The following URGCP variants were observed in gnomAD, a reference collection of about 807,000 sequenced individuals.
The protein encoded by URGCP is up-regulator of cell proliferation.
In URGCP, 13 loss-of-function variants were observed where a neutral mutation model predicts 24.6. The ratio of observed to expected loss-of-function variants is 0.53; its 90% CI spans 0.34 to 0.84. URGCP has a LOEUF of 0.84. URGCP is among the 40% of genes least tolerant of loss of function. The pLI is 0.01. For missense variants in URGCP, 899 were observed against 1,194.3 expected (o/e 0.75, Z 3.64); for synonymous variants, 444 against 487.2 (o/e 0.91, Z 1.17).
intron 1 of URGCP, among the ~76,000 whole-genome samples, chr7:43,918,042 G>A (rs970888887): frequency 3.3e-5 from 5 of 151,994 alleles, no homozygotes; most frequent in Non-Finnish European, 5.9e-5. Context: ...GGGAGGCTGA[G>A]GCAAGTGGAT....
chr7:43,892,235 T>A (rs2095871947), intron 1 of URGCP, among the ~76,000 whole-genome samples: 1 of 149,364 alleles, frequency 6.7e-6, no homozygotes, highest in Admixed American at 6.7e-5. Flanking sequence ...TTTTTTTTTT[T>A]TTTTTTGAGA....
At chr7:43,921,185 G>C (rs754228050) in intron 1 of URGCP, among the ~76,000 whole-genome samples, 1 of 152,102 alleles carries the variant, frequency 6.6e-6, no homozygotes, top group East Asian at 1.9e-4. Context: ...AATTAGCCGG[G>C]CGTGGTGGTG....
intron 4 of URGCP, 47 bp downstream of exon 4, chr7:43,881,860 T>TC: frequency 6.2e-7 from 1 of 1,606,264 alleles, no homozygotes; most frequent in Non-Finnish European, 8.5e-7. Context: ...CTTTACCCAC[T>TC]CCCCCTCTCC....
chr7:43,919,313 C>T, intron 1 of URGCP: 1 of 829,164 alleles, frequency 1.2e-6, no homozygotes, highest in South Asian at 1.3e-5. Flanking sequence ...TGGTGCTGCA[C>T]AACACAGCCC....
upstream of URGCP, chr7:43,926,622 CTGCCGTGAAGTGAAAGG>C (rs565080607): frequency 1.1e-3 from 1,650 of 1,487,904 alleles, 35 homozygotes; most frequent in South Asian, 0.02. Flanking sequence ...CGGGGCGCCG[CTGCCGTGAAGTGAAAGG>C]TGACGGAGGC....
At chr7:43,922,952 T>TTC (rs955767377) in intron 1 of URGCP, among the ~76,000 whole-genome samples, 2 of 151,568 alleles carry the variant, frequency 1.3e-5, no homozygotes, top group Non-Finnish European at 2.9e-5. Context: ...CCTTCTCTCT[T>TTC]TCTCTCTCTT....
intron 3 of URGCP, among the ~76,000 whole-genome samples, chr7:43,884,254 C>T (rs2095858851): frequency 6.6e-6 from 1 of 152,118 alleles, no homozygotes. Flanking sequence ...CAGCCATCAG[C>T]AGATTGTGGG....
rs1233416191 is a variant in URGCP, at chr7:43,925,798, C to CATTTTT, written c.-116+333_-116+334insAAAAAT. The stretch of plus-strand genomic sequence containing the variant: ...TATAGGCGTGAGCCACCTCGTCTGG[C>CATTTTT]TTTTTTTTTTTTTTTTTCAAAAAAA... On this transcript the variant is annotated intron_variant, in intron 1 of 5. Transcript: ENST00000426198. Among the ~76,000 whole-genome samples the CATTTTT allele has an allele frequency of 4.9e-4, 57 of 116,580 alleles. 3 individuals are homozygous for CATTTTT. In the South Asian group the frequency reaches 0.018, roughly 37 times the overall value. The allele number at this position is 116,580 out of a possible 152,430, so 76.5% of individuals were successfully genotyped here. A position where few individuals can be genotyped will look rare whatever the true frequency, so the allele number is the denominator to read the frequency against.
At chr7:43,881,812 C>A in intron 4 of URGCP, 95 bp downstream of exon 4, 1 of 1,605,356 alleles carries the variant, frequency 6.2e-7, no homozygotes, top group South Asian at 1.1e-5. Context: ...GGCAACTTCT[C>A]CCAATTGTTC....
intron 1 of URGCP, among the ~76,000 whole-genome samples, chr7:43,897,530 C>T (rs1026202199): frequency 4.6e-5 from 7 of 151,342 alleles, no homozygotes; most frequent in African/African-American, 1.2e-4. Flanking sequence ...AAGCTAGAGA[C>T]GACTGAACTT....
chr7:43,894,975 A>G (rs905349625), intron 1 of URGCP, among the ~76,000 whole-genome samples: 1 of 152,120 alleles, frequency 6.6e-6, no homozygotes, highest in Non-Finnish European at 1.5e-5. Flanking sequence ...AAGCTGAGTA[A>G]GCTGTGATCA....
intron 1 of URGCP, among the ~76,000 whole-genome samples, chr7:43,903,665 T>C (rs902698575): frequency 9.2e-5 from 14 of 152,048 alleles, no homozygotes; most frequent in African/African-American, 3.1e-4. Context: ...AAGAGCCCCT[T>C]TGAAAATCTG....
intron 3 of URGCP, among the ~76,000 whole-genome samples, chr7:43,883,355 TATATATA>T (rs1303517210): frequency 2.0e-5 from 2 of 101,138 alleles, no homozygotes; most frequent in Non-Finnish European, 3.7e-5. Flanking sequence ...TATATATATA[TATATATA>T]TTTTTTTTTT....
intron 3 of URGCP, among the ~76,000 whole-genome samples, chr7:43,885,507 GAA>G (rs1361804509): frequency 7.2e-6 from 1 of 138,048 alleles, no homozygotes; most frequent in Non-Finnish European, 1.7e-5. Flanking sequence ...CATAACTCAT[GAA>G]GAACAACTAT....
chr7:43,896,488 T>C (rs928631546), intron 1 of URGCP, among the ~76,000 whole-genome samples: 1 of 151,180 alleles, frequency 6.6e-6, no homozygotes, highest in Non-Finnish European at 1.5e-5. Flanking sequence ...AAAATTACAG[T>C]TAGGTAGGAG....
intron 3 of URGCP, among the ~76,000 whole-genome samples, chr7:43,885,670 A>G (rs982583815): frequency 6.6e-6 from 1 of 152,138 alleles, no homozygotes; most frequent in African/African-American, 2.4e-5. Flanking sequence ...AATTAAGACA[A>G]CCTAGCTCAC....
chr7:43,876,595 C>A lies in URGCP; in HGVS notation c.*72G>T. 6.6e-7 allele frequency: 1 copy of A among 1,519,824 alleles called. No individual in the cohort carries two copies. The allele number at this position is 1,519,824 out of a possible 1,614,324, so 94.1% of individuals were successfully genotyped here. ...CATTCTCAGGCACCAGAGCACAGCC[C>A]CACACGGGTGCCCCATCAGACAGGG... is the stretch of plus-strand genomic sequence containing the variant. On this transcript the variant is annotated 3_prime_UTR_variant, in exon 6 of 6. Coordinates refer to ENST00000453200, the MANE Select transcript of URGCP (RefSeq NM_001077663.3).
chr7:43,881,204 CAAAG>C, intron 5 of URGCP: 1 of 702,784 alleles, frequency 1.4e-6, no homozygotes, highest in Non-Finnish European at 2.6e-6. Context: ...GGGAAAAAGA[CAAAG>C]AAAACACTTC....
intron 3 of URGCP, among the ~76,000 whole-genome samples, chr7:43,884,699 T>C (rs2528396): frequency 0.72 from 109,660 of 152,020 alleles, 39,690 homozygotes; most frequent in African/African-American, 0.8. Flanking sequence ...TCGGGTGCAG[T>C]GGCTCACACC....
Sources: allele counts gnomAD v4.1 joint callset (sites outside exome capture counted in the v4.1 genomes callset), GRCh38; gene constraint gnomAD v4.1.1; transcripts MANE v1.5; gene names NCBI Gene and HGNC (gene_info 2026-07-23, HGNC 2026-07-21).